The following FBXO25 variants were observed in gnomAD, a reference collection of about 807,000 sequenced individuals.
FBXO25 encodes F-box only protein 25.
A neutral mutation model predicts 51.9 loss-of-function variants in FBXO25; 45 were observed. The ratio of observed to expected loss-of-function variants is 0.87; its 90% CI spans 0.68 to 1.11. FBXO25 has a LOEUF of 1.11. Ranked by LOEUF, FBXO25 falls within the 50% of genes most tolerant of loss-of-function variation. The pLI is 0.00. For synonymous variants in FBXO25, 199 were observed against 151.0 expected (o/e 1.32, Z -2.33); for missense variants, 507 against 428.5 (o/e 1.18, Z -1.62).
chr8:431,286 G>C lies in FBXO25; in HGVS notation c.135-55G>C, dbSNP rs778321907. ...ATTTATATCCTTTTACAAAAGAAAA[G>C]CCAAATGAAGATCTCCCTGAAAAAA... On this transcript the variant is annotated intron_variant, in intron 2 of 9. Transcript: ENST00000350302. 3 of 951,170 alleles carry C rather than the reference G, an allele frequency of 3.2e-6. No individual in the cohort carries two copies. The Admixed American group carries it at 7.9e-5, about 25-fold the overall frequency. The allele number at this position is 951,170 out of a possible 1,614,324, so 58.9% of individuals were successfully genotyped here.
In FBXO25 at chr8:469,003, T is replaced by A. The variant is rs1800377541; in HGVS notation, c.*199T>A. On this transcript the variant is annotated 3_prime_UTR_variant, in exon 10 of 10. Transcript: ENST00000350302. ...AAAGTCAGAGGCCAAGGAAATCATT[T>A]CTACTTCTTTAAAAACTCCTTCTAA... 2 of 552,116 alleles carry A rather than the reference T, an allele frequency of 3.6e-6. No individual in the cohort carries two copies. Among genetic ancestry groups the A allele is most frequent in the Non-Finnish European group, 6.4e-6 (2 of 314,280 alleles). The allele number at this position is 552,116 out of a possible 1,614,324, so 34.2% of individuals were successfully genotyped here.
rs555242502 is a variant in FBXO25 at position 465,612 on chromosome 8, G to A, written c.987+2462G>A. On this transcript the variant is annotated intron_variant, in intron 9 of 9. Transcript: ENST00000350302. ...TTATCTGAAATGCCTGGGACTTGAA[G>A]TGTTTCAGATTTCAGATTTTTTTCA... is the stretch of plus-strand genomic sequence containing the variant. Among the ~76,000 whole-genome samples the A allele has an allele frequency of 7.2e-5, 11 of 152,340 alleles. No homozygotes were observed. In the South Asian group the frequency reaches 2.1e-3, roughly 29 times the overall value.
At chr8:436,391 T>G (rs1357988754) in intron 5 of FBXO25, among the ~76,000 whole-genome samples, 1 of 152,236 alleles carries the variant, frequency 6.6e-6, no homozygotes, top group African/African-American at 2.4e-5. Flanking sequence ...TGGAAAAATG[T>G]TGCTTTTAAT....
At chr8:426,787 G>A (rs570016804) in intron 2 of FBXO25, among the ~76,000 whole-genome samples, 28 of 152,006 alleles carry the variant, frequency 1.8e-4, no homozygotes, top group African/African-American at 6.8e-4. Context: ...GAGTGAGATG[G>A]GCCCACATTG....
In FBXO25 at chr8:473,747, G is replaced by T. The variant is rs1297368148; in HGVS notation, c.*4943G>T. 7.5e-6 allele frequency: 1 copy of T among 132,530 alleles called. No individual in the cohort carries two copies. The highest frequency in any genetic ancestry group is 1.6e-5 in the Non-Finnish European group (1 of 61,020). 8.2% of individuals were successfully genotyped at this position (132,530 alleles called of 1,614,324 possible). A position where few individuals can be genotyped will look rare whatever the true frequency, so the allele number is the denominator to read the frequency against. ...TTTGAAATGCTCTTGTTCTTCCTAA[G>T]TAAGGGAGAGCAAAAAAAATGAGGA... On this transcript the variant is annotated 3_prime_UTR_variant, in exon 10 of 10. Transcript: ENST00000350302.
At chr8:467,765 A>G (rs1200309495) in intron 9 of FBXO25, 10 of 1,613,614 alleles carry the variant, frequency 6.2e-6, no homozygotes, top group Non-Finnish European at 8.5e-6. Flanking sequence ...CTGTCTTGCC[A>G]CACATCCTGT....
chr8:451,403 G>T lies in FBXO25; in HGVS notation c.610G>T (p.Glu204Ter). The T allele has an allele frequency of 1.2e-6, 2 of 1,613,958 alleles. No homozygotes were observed. Among genetic ancestry groups the T allele is most frequent in the South Asian group, 1.1e-5 (1 of 91,058 alleles). ...CATCAATATTTGGATTTGCCGATTA[G>T]AAACTATTCTCGCCTGGCAACAACA... is the stretch of plus-strand genomic sequence containing the variant. ...GNINIWICRL[E>*]TILAWQQQLQ... The change falls in exon 7 of 10, where the codon GAA (glutamate) becomes TAA (stop). Residue 204 changes from glutamate (E) to a stop codon, truncating the protein, a stop_gained. Coordinates refer to ENST00000350302, the MANE Select transcript of FBXO25 (RefSeq NM_183420.2). LOFTEE classifies it high-confidence loss of function.
In FBXO25 at chr8:472,167, G is replaced by T. The variant is rs1185450809; in HGVS notation, c.*3363G>T. ...TCCTCATCTTAGGGGAAAGCTTTCA[G>T]TCTCACCATTAACTATGATGTTAAC... On this transcript the variant is annotated 3_prime_UTR_variant, in exon 10 of 10. Transcript: ENST00000350302. 2 of 152,174 alleles carry T rather than the reference G, an allele frequency of 1.3e-5. No homozygotes were observed. The highest frequency in any genetic ancestry group is 4.8e-5 in the African/African-American group (2 of 41,436). 9.4% of individuals were successfully genotyped at this position (152,174 alleles called of 1,614,324 possible). A position where few individuals can be genotyped will look rare whatever the true frequency, so the allele number is the denominator to read the frequency against.
chr8:461,335 A>C (rs1007612211), intron 8 of FBXO25, among the ~76,000 whole-genome samples: 1 of 152,162 alleles, frequency 6.6e-6, no homozygotes, highest in Admixed American at 6.5e-5. Flanking sequence ...AGAAAAAGAG[A>C]TTTAATGGAC....
intron 2 of FBXO25, among the ~76,000 whole-genome samples, chr8:430,023 C>T (rs1282422927): frequency 2.0e-5 from 3 of 152,234 alleles, no homozygotes; most frequent in South Asian, 2.1e-4. Context: ...TTTTCTGTCC[C>T]ATGCTCACAT....
chr8:435,936 C>T (rs1468363027), intron 5 of FBXO25, among the ~76,000 whole-genome samples: 2 of 152,298 alleles, frequency 1.3e-5, no homozygotes, highest in Admixed American at 6.5e-5. Flanking sequence ...AGCAAACACT[C>T]ATCTGCCCTG....
intron 5 of FBXO25, among the ~76,000 whole-genome samples, chr8:446,036 G>A (rs1798718070): frequency 6.6e-6 from 1 of 151,950 alleles, no homozygotes; most frequent in Non-Finnish European, 1.5e-5. Flanking sequence ...ACACCCTCCT[G>A]GTGTCTGGTG....
intron 2 of FBXO25, among the ~76,000 whole-genome samples, chr8:424,458 T>G (rs1797348455): frequency 6.6e-6 from 1 of 152,182 alleles, no homozygotes; most frequent in Non-Finnish European, 1.5e-5. Flanking sequence ...TCAAGAAGAG[T>G]ATTTCCTAGG....
chr8:422,560 C>T (rs1485997336), intron 2 of FBXO25, among the ~76,000 whole-genome samples: 1 of 152,166 alleles, frequency 6.6e-6, no homozygotes. Context: ...CAGAGTTCCT[C>T]TTCTGGTGTT....
intron 7 of FBXO25, among the ~76,000 whole-genome samples, chr8:456,694 A>G (rs1057123446): frequency 1.3e-5 from 2 of 152,190 alleles, no homozygotes; most frequent in Non-Finnish European, 2.9e-5. Flanking sequence ...ACAAACTGTC[A>G]AGCAGTGTTG....
intron 2 of FBXO25, among the ~76,000 whole-genome samples, chr8:427,906 A>G (rs1797591893): frequency 6.6e-6 from 1 of 151,970 alleles, no homozygotes; most frequent in Non-Finnish European, 1.5e-5. Context: ...GGCCCATAAC[A>G]GCACATTTCT....
chr8:450,614 AT>A (rs1799022140), intron 6 of FBXO25: 1 of 152,288 alleles, frequency 6.6e-6, no homozygotes, highest in South Asian at 2.1e-4. Flanking sequence ...TAAACTGACC[AT>A]TTTTAAGGCA....
intron 2 of FBXO25, among the ~76,000 whole-genome samples, chr8:417,128 C>T (rs1202374016): frequency 6.6e-6 from 1 of 152,290 alleles, no homozygotes; most frequent in East Asian, 1.9e-4. Flanking sequence ...GTAAGGGGAG[C>T]CCGGAAGCGG....
intron 7 of FBXO25, 96 bp from the exon 8 acceptor site, chr8:458,273 T>A (rs1223627878): frequency 1.5e-6 from 2 of 1,376,628 alleles, no homozygotes; most frequent in Non-Finnish European, 2.0e-6. Context: ...TGTGTTACCA[T>A]GTTTTGAAGC....
Sources: allele counts gnomAD v4.1 joint callset (sites outside exome capture counted in the v4.1 genomes callset), GRCh38; gene constraint gnomAD v4.1.1; transcripts MANE v1.5; gene names NCBI Gene and HGNC (gene_info 2026-07-23, HGNC 2026-07-21).